COG5: variants seen among roughly 807,000 people sequenced by gnomAD.
The protein encoded by COG5 is component of oligomeric golgi complex 5.
COG5 carries 86 observed loss-of-function variants against 110.4 expected under a neutral mutation model. The observed-to-expected ratio is 0.78, with a 90% CI of 0.65 to 0.93. The LOEUF (loss-of-function observed/expected upper bound fraction) is 0.93, where lower values mean the gene tolerates loss of function less well. Ranked by LOEUF, COG5 falls within the 40% of genes least tolerant of loss-of-function variation. COG5 has a pLI of 0.00. For missense variants in COG5, 1,077 were observed against 987.0 expected (o/e 1.09, Z -1.22); for synonymous variants, 360 against 334.6 (o/e 1.08, Z -0.83).
chr7:107,244,652 G>GA (rs752100867), intron 17 of COG5, among the ~76,000 whole-genome samples: 26 of 148,340 alleles, frequency 1.8e-4, no homozygotes, highest in Middle Eastern at 3.4e-3. Flanking sequence ...GACCCCATAG[G>GA]AAAAAAAAAA....
chr7:107,353,051 GA>G (rs1323148170), intron 10 of COG5, among the ~76,000 whole-genome samples: 1 of 152,128 alleles, frequency 6.6e-6, no homozygotes, highest in Admixed American at 6.5e-5. Flanking sequence ...TACCAACATT[GA>G]ATTTCTTAAT....
chr7:107,326,003 A>G (rs1809733422), intron 10 of COG5, among the ~76,000 whole-genome samples: 1 of 152,234 alleles, frequency 6.6e-6, no homozygotes, highest in Admixed American at 6.5e-5. Flanking sequence ...GATGCTTTTC[A>G]TCATGTTAAG....
intron 6 of COG5, among the ~76,000 whole-genome samples, chr7:107,444,860 A>T (rs1794912073): frequency 6.6e-6 from 1 of 152,196 alleles, no homozygotes; most frequent in Admixed American, 6.5e-5. Flanking sequence ...TGTGACACAC[A>T]TACCCTCATA....
At position 107,294,930 on chromosome 7, in the gene COG5, TAC is replaced by T. The variant is rs1290144852; in HGVS notation, c.1313+3210_1313+3211del. Among the ~76,000 whole-genome samples the T allele has an allele frequency of 6.8e-3, 687 of 100,924 alleles. 5 individuals carry two copies. Among genetic ancestry groups the T allele is most frequent in the East Asian group, 0.015 (48 of 3,214 alleles). The allele number at this position is 100,924 out of a possible 152,430, so 66.2% of individuals were successfully genotyped here. A position where few individuals can be genotyped will look rare whatever the true frequency, so the allele number is the denominator to read the frequency against. ...GTGTGTGTGTGTGTGTGTGTATATA[TAC>T]ACACACACACACACACACATATATA... is the stretch of plus-strand genomic sequence containing the variant. On this transcript the variant is annotated intron_variant, in intron 12 of 21. Coordinates refer to ENST00000297135, the MANE Select transcript of COG5 (RefSeq NM_006348.5).
At chr7:107,384,756 G>A (rs1815428583) in intron 7 of COG5, among the ~76,000 whole-genome samples, 1 of 152,156 alleles carries the variant, frequency 6.6e-6, no homozygotes, top group South Asian at 2.1e-4. Flanking sequence ...CAAGAAGGCG[G>A]CTGTCTGTAA....
At position 107,202,904 on chromosome 7, in the gene COG5, C is replaced by T. The variant is rs6958137; in HGVS notation, c.*612G>A. On this transcript the variant is annotated 3_prime_UTR_variant, in exon 22 of 22. Transcript: ENST00000297135. Reference sequence around the variant, plus strand: ...GACATACTTAAAAAGGCCATTTAACCTTGTATCTTAGCTTGGGATGTGCCA... The same window carrying T: ...GACATACTTAAAAAGGCCATTTAACTTTGTATCTTAGCTTGGGATGTGCCA... 5 of 152,488 alleles carry T rather than the reference C, an allele frequency of 3.3e-5. No homozygotes were observed. Among genetic ancestry groups the T allele is most frequent in the Middle Eastern group, 3.5e-3 (1 of 288 alleles). 9.4% of individuals were successfully genotyped at this position (152,488 alleles called of 1,614,324 possible). A position where few individuals can be genotyped will look rare whatever the true frequency, so the allele number is the denominator to read the frequency against.
intron 3 of COG5, among the ~76,000 whole-genome samples, chr7:107,551,453 A>T (rs1016259739): frequency 1.3e-5 from 2 of 152,220 alleles, no homozygotes; most frequent in Admixed American, 1.3e-4. Context: ...CATGCTAAAA[A>T]AATTTTACAT....
intron 12 of COG5, among the ~76,000 whole-genome samples, chr7:107,297,598 G>A (rs1005147555): frequency 6.6e-6 from 1 of 151,848 alleles, no homozygotes; most frequent in East Asian, 1.9e-4. Flanking sequence ...ACAGGCGAGC[G>A]CCACCATGCC....
At chr7:107,563,553 G>GT (rs1198871774) in intron 1 of COG5, 2 of 500,734 alleles carry the variant, frequency 4.0e-6, no homozygotes, top group South Asian at 4.4e-5. Context: ...ATGGGGGGGG[G>GT]GGGGGTCGAG....
At chr7:107,401,573 G>A (rs1217359787) in intron 7 of COG5, among the ~76,000 whole-genome samples, 3 of 152,066 alleles carry the variant, frequency 2.0e-5, no homozygotes, top group African/African-American at 7.2e-5. Context: ...AAGGAAATAC[G>A]CGAGCTCTTA....
intron 12 of COG5, among the ~76,000 whole-genome samples, chr7:107,296,705 C>G (rs1305072840): frequency 1.3e-5 from 2 of 151,856 alleles, no homozygotes; most frequent in Non-Finnish European, 2.9e-5. Flanking sequence ...GTCACACTGC[C>G]CAGCACGAGT....
intron 10 of COG5, among the ~76,000 whole-genome samples, chr7:107,356,722 A>G (rs1432644159): frequency 1.3e-5 from 2 of 152,184 alleles, no homozygotes; most frequent in African/African-American, 4.8e-5. Flanking sequence ...ATTTCTGAAC[A>G]AATATTATAG....
intron 7 of COG5, among the ~76,000 whole-genome samples, chr7:107,378,051 G>C (rs538843858): frequency 6.6e-6 from 1 of 152,316 alleles, no homozygotes; most frequent in South Asian, 2.1e-4. Flanking sequence ...TGCCCCTCTG[G>C]GACGAAGCTT....
chr7:107,211,815 G>A (rs1799197608), intron 19 of COG5, among the ~76,000 whole-genome samples: 1 of 152,176 alleles, frequency 6.6e-6, no homozygotes, highest in African/African-American at 2.4e-5. Context: ...GAGCAAGCAG[G>A]CAAATCCATT....
chr7:107,348,853 T>C (rs1811872834), intron 10 of COG5, among the ~76,000 whole-genome samples: 1 of 152,064 alleles, frequency 6.6e-6, no homozygotes. Flanking sequence ...GTTATCAATA[T>C]TAGAATTTTT....
rs1799030480 is a variant in COG5, at chr7:107,209,770, A to G, written c.2375+756T>C. 6.2e-6 allele frequency: 6 copies of G among 966,808 alleles called. No individual in the cohort carries two copies. The African/African-American group carries it at 8.8e-5, about 14-fold the overall frequency. 59.9% of individuals were successfully genotyped at this position (966,808 alleles called of 1,614,324 possible). On this transcript the variant is annotated intron_variant, in intron 21 of 21. Transcript: ENST00000297135. ...GCCCAGGGCCTACCATGCTGATAAA[A>G]TGTGAGCTCAGCATCAATAAAAATG... is the stretch of plus-strand genomic sequence containing the variant.
chr7:107,213,658 A>G (rs1799325771), intron 19 of COG5, among the ~76,000 whole-genome samples: 2 of 152,172 alleles, frequency 1.3e-5, no homozygotes, highest in South Asian at 4.1e-4. Flanking sequence ...CCAAACTCAG[A>G]GCAAAGGCAG....
intron 6 of COG5, among the ~76,000 whole-genome samples, chr7:107,413,405 C>G (rs1199608514): frequency 6.6e-6 from 1 of 151,984 alleles, no homozygotes; most frequent in Non-Finnish European, 1.5e-5. Flanking sequence ...AGTAACCAAA[C>G]AACATGCTAG....
intron 6 of COG5, among the ~76,000 whole-genome samples, chr7:107,480,352 A>G (rs1326979830): frequency 6.6e-6 from 1 of 152,104 alleles, no homozygotes; most frequent in Non-Finnish European, 1.5e-5. Context: ...TTGACCAACT[A>G]TTTTCTTTGT....
Sources: allele counts gnomAD v4.1 joint callset (sites outside exome capture counted in the v4.1 genomes callset), GRCh38; gene constraint gnomAD v4.1.1; transcripts MANE v1.5; gene names NCBI Gene and HGNC (gene_info 2026-07-23, HGNC 2026-07-21).